The following CAPN7 variants were observed in gnomAD, a reference collection of about 807,000 sequenced individuals.
The protein encoded by CAPN7 is calpain-7.
A neutral mutation model predicts 115.2 loss-of-function variants in CAPN7; 72 were observed. The observed-to-expected ratio is 0.63, with a 90% CI of 0.52 to 0.76. CAPN7 has a LOEUF of 0.76. Ranked by LOEUF, CAPN7 falls within the 30% of genes least tolerant of loss-of-function variation. CAPN7 has a pLI of 0.00. For synonymous variants in CAPN7, 344 were observed against 322.3 expected (o/e 1.07, Z -0.72); for missense variants, 905 against 971.5 (o/e 0.93, Z 0.91).
rs1235517409 is a variant in CAPN7, at chr3:15,206,274, G to C, written c.-222G>C. 2.4e-6 allele frequency: 1 copy of C among 420,944 alleles called. No individual in the cohort carries two copies. The allele number at this position is 420,944 out of a possible 1,614,324, so 26.1% of individuals were successfully genotyped here. A position where few individuals can be genotyped will look rare whatever the true frequency, so the allele number is the denominator to read the frequency against. ...GGCCGCTGGGGCCGCGAAGTGGGGC[G>C]GCCGGGTGGGCTACAAGCCGGGTCT... On this transcript the variant is annotated 5_prime_UTR_variant, in exon 1 of 21. Transcript: ENST00000253693.
chr3:15,234,297 CAA>C (rs1255183130), intron 11 of CAPN7, among the ~76,000 whole-genome samples: 5 of 152,052 alleles, frequency 3.3e-5, no homozygotes, highest in Non-Finnish European at 5.9e-5. Flanking sequence ...GCCTGGGCAA[CAA>C]GAGCAAAACT....
At chr3:15,231,438 T>C (rs1320559172) in intron 9 of CAPN7, among the ~76,000 whole-genome samples, 3 of 152,218 alleles carry the variant, frequency 2.0e-5, no homozygotes, top group Non-Finnish European at 4.4e-5. Context: ...TGAACTATAA[T>C]TCTTGACCTC....
chr3:15,250,827 A>G, intron 19 of CAPN7, 104 bp from the exon 20 acceptor site: 1 of 786,162 alleles, frequency 1.3e-6, no homozygotes, highest in Non-Finnish European at 2.1e-6. Context: ...CTGAAACTTC[A>G]GAAACATAAA....
chr3:15,225,215 G>A (rs1342556546), intron 6 of CAPN7, among the ~76,000 whole-genome samples: 1 of 152,092 alleles, frequency 6.6e-6, no homozygotes, highest in Non-Finnish European at 1.5e-5. Flanking sequence ...TAACAATTTG[G>A]CTGTATATTC....
rs780535973 is a variant in CAPN7, at chr3:15,232,626, G to A, written c.1140G>A (p.Met380Ile). 1 of 1,612,420 alleles carries A rather than the reference G, an allele frequency of 6.2e-7. No individual in the cohort carries two copies. Among genetic ancestry groups the A allele is most frequent in the South Asian group, 1.1e-5 (1 of 90,836 alleles). Reference sequence around the variant, plus strand: ...TTTCTCTCATAGAAAAAGCATACATGAAAGTCATGGGAGGATATGATTTTC... The same window carrying A: ...TTTCTCTCATAGAAAAAGCATACATAAAAGTCATGGGAGGATATGATTTTC... ...LWVSLIEKAY[M>I]KVMGGYDFPG... Residue 380 changes from methionine (M) to isoleucine (I), a missense_variant, in exon 10 of 21, where the codon ATG (methionine) becomes ATA (isoleucine). By Grantham distance (10) the Met-to-Ile change is conservative (BLOSUM62 1). This residue lies in a region of CAPN7 where 620 missense variants were observed against 703.4 expected (regional missense o/e 0.88). Transcript: ENST00000253693.
rs148064232 is a variant in CAPN7, at chr3:15,244,218, T to A, written c.1865-1308T>A. On this transcript the variant is annotated intron_variant, in intron 16 of 20. Coordinates refer to ENST00000253693, the MANE Select transcript of CAPN7 (RefSeq NM_014296.3). ...ATTCTTCCCTATTACAATGTGTTGA[T>A]GGCAGGCACTGAGTCTTGCTAGTCA... is the stretch of plus-strand genomic sequence containing the variant. Among the ~76,000 whole-genome samples the A allele has an allele frequency of 2.3e-3, 344 of 152,326 alleles. 1 individual carries two copies. Among genetic ancestry groups the A allele is most frequent in the Middle Eastern group, 0.01 (3 of 294 alleles).
chr3:15,211,206 C>G (rs1424222231), intron 1 of CAPN7, among the ~76,000 whole-genome samples: 1 of 152,098 alleles, frequency 6.6e-6, no homozygotes. Context: ...GTGTAATCTC[C>G]TGTAATCTTT....
intron 12 of CAPN7, 92 bp from the exon 13 acceptor site, chr3:15,240,381 G>T: frequency 1.8e-6 from 2 of 1,117,346 alleles, no homozygotes; most frequent in Non-Finnish European, 2.6e-6. Flanking sequence ...GAAAAGAATT[G>T]ATAAGTACTC....
rs574656148 is a variant in CAPN7 at position 15,206,276 on chromosome 3, C to T, written c.-220C>T. ...CCGCTGGGGCCGCGAAGTGGGGCGG[C>T]CGGGTGGGCTACAAGCCGGGTCTGG... is the stretch of plus-strand genomic sequence containing the variant. On this transcript the variant is annotated 5_prime_UTR_variant, in exon 1 of 21. Transcript: ENST00000253693. 4.1e-3 allele frequency: 1,745 copies of T among 425,166 alleles called. 5 individuals carry two copies. The highest frequency in any genetic ancestry group is 6.0e-3 in the Non-Finnish European group (1,422 of 238,302). 26.3% of individuals were successfully genotyped at this position (425,166 alleles called of 1,614,324 possible).
At chr3:15,247,272 T>C in intron 18 of CAPN7, 55 bp from the exon 19 acceptor site, 1 of 1,307,160 alleles carries the variant, frequency 7.7e-7, no homozygotes, top group South Asian at 1.7e-5. Flanking sequence ...AGTTTTGTCT[T>C]TAAGTGGAAT....
intron 19 of CAPN7, among the ~76,000 whole-genome samples, chr3:15,248,907 G>A (rs892209075): frequency 2.0e-5 from 3 of 149,074 alleles, no homozygotes; most frequent in African/African-American, 7.4e-5. Flanking sequence ...GAGGTGGGAG[G>A]ATGACTTGAG....
chr3:15,216,312 C>T (rs976770299), intron 2 of CAPN7, among the ~76,000 whole-genome samples: 2 of 152,158 alleles, frequency 1.3e-5, no homozygotes, highest in Non-Finnish European at 2.9e-5. Context: ...TATTGTCTTT[C>T]TGATTTTAGC....
At chr3:15,231,111 C>T (rs893105111) in intron 9 of CAPN7, among the ~76,000 whole-genome samples, 1 of 152,174 alleles carries the variant, frequency 6.6e-6, no homozygotes, top group Non-Finnish European at 1.5e-5. Context: ...CAGGCTTCAC[C>T]CTAGACCTGC....
Position 15,241,538 on chromosome 3 carries a change from CA to C in CAPN7, c.1739del (p.Gln580ArgfsTer14). On this transcript the variant is annotated frameshift_variant, in exon 15 of 21. Coordinates refer to ENST00000253693, the MANE Select transcript of CAPN7 (RefSeq NM_014296.3). LOFTEE classifies it high-confidence loss of function. ...GTACAAACTGGAGGTGCAGTGTCCA[CA>C]GGGGGGTGCTGCAGTTTGGGTTTTG... is the stretch of plus-strand genomic sequence containing the variant. ...PQYKLEVQCP[Q>X]GGAAVWVLLS... is the part of the protein sequence containing the mutation. 6.2e-7 allele frequency: 1 copy of C among 1,614,094 alleles called. No homozygotes were observed. Among genetic ancestry groups the C allele is most frequent in the African/African-American group, 1.3e-5 (1 of 75,016 alleles).
At chr3:15,213,424 G>C (rs1035402294) in intron 2 of CAPN7, among the ~76,000 whole-genome samples, 22 of 152,182 alleles carry the variant, frequency 1.4e-4, no homozygotes, top group African/African-American at 5.3e-4. Context: ...TGTGGAGAGA[G>C]AACAGTGTCA....
Position 15,213,943 on chromosome 3 carries a change from G to C in CAPN7, c.211+1731G>C, listed in dbSNP as rs1056800185. Among the ~76,000 whole-genome samples the C allele has an allele frequency of 3.3e-5, 5 of 150,076 alleles. No individual in the cohort carries two copies. The East Asian group carries it at 7.8e-4, about 24-fold the overall frequency. ...CTTCCAGGCTGGAGTGCAGTGGCGC[G>C]ATCTCAGCTCACTGCCAAGTTCCGC... On this transcript the variant is annotated intron_variant, in intron 2 of 20. Coordinates refer to ENST00000253693, the MANE Select transcript of CAPN7 (RefSeq NM_014296.3).
intron 10 of CAPN7, 35 bp from the exon 11 acceptor site, chr3:15,233,832 G>A: frequency 1.8e-6 from 2 of 1,100,068 alleles, no homozygotes; most frequent in Middle Eastern, 2.0e-4. Context: ...ACTTGAAAAT[G>A]ACACTGGCAG....
intron 3 of CAPN7, among the ~76,000 whole-genome samples, chr3:15,217,849 G>T (rs1575169997): frequency 6.6e-6 from 1 of 152,238 alleles, no homozygotes; most frequent in Middle Eastern, 3.4e-3. Flanking sequence ...TAAACTTACA[G>T]AATTCATTAT....
intron 2 of CAPN7, among the ~76,000 whole-genome samples, chr3:15,215,232 A>G (rs1272531532): frequency 2.0e-5 from 3 of 152,190 alleles, no homozygotes; most frequent in African/African-American, 4.8e-5. Context: ...TAAGAGTTTA[A>G]GGCCAGCCTG....
Sources: gnomAD v4.1 joint callset for allele counts (sites outside exome capture counted in the v4.1 genomes callset) on GRCh38, gnomAD v4.1.1 for gene constraint, gnomAD v4.1.1 regional missense constraint, MANE v1.5 for transcripts, NCBI Gene and HGNC (gene_info 2026-07-23, HGNC 2026-07-21) for gene names.